The following TXNDC8 variants were observed in gnomAD, a reference collection of about 807,000 sequenced individuals.
TXNDC8 encodes the protein thioredoxin domain containing 8.
Under a neutral mutation model 12.9 loss-of-function variants are expected in TXNDC8, and 15 were observed. The observed-to-expected ratio is 1.16, with a 90% CI of 0.78 to 1.79. The LOEUF (loss-of-function observed/expected upper bound fraction) is 1.79. TXNDC8 is among the 40% of genes most tolerant of loss of function. The pLI is 0.00. For missense variants in TXNDC8, 128 were observed against 113.2 expected (o/e 1.13, Z -0.59); for synonymous variants, 40 against 35.4 (o/e 1.13, Z -0.46).
chr9:110,329,491 G>C lies in TXNDC8; in HGVS notation c.130-3251C>G, dbSNP rs1839471731. On this transcript the variant is annotated intron_variant, in intron 2 of 4. Coordinates refer to ENST00000423740, the MANE Select transcript of TXNDC8 (RefSeq NM_001286946.2). ...ATGATGCCAAGGTCAGATGATGTAAGGACCAGTGGCAGAAGCAGAGTCAAA... is the reference window on the plus strand; with the variant it reads ...ATGATGCCAAGGTCAGATGATGTAACGACCAGTGGCAGAAGCAGAGTCAAA... 2.0e-5 allele frequency among the ~76,000 whole-genome samples: 3 copies of C among 152,286 alleles called. No homozygotes were observed. In the South Asian group the frequency reaches 6.2e-4, roughly 32 times the overall value.
intron 3 of TXNDC8, among the ~76,000 whole-genome samples, chr9:110,324,521 T>C (rs1478361565): frequency 6.6e-6 from 1 of 151,786 alleles, no homozygotes; most frequent in African/African-American, 2.4e-5. Flanking sequence ...TAAATTATTC[T>C]TTATAACTTT....
chr9:110,325,511 C>G lies in TXNDC8; in HGVS notation c.195+664G>C, dbSNP rs906373470. Among the ~76,000 whole-genome samples, 4 of 133,888 alleles carry G rather than the reference C, an allele frequency of 3.0e-5. No individual in the cohort carries two copies. In the East Asian group the frequency reaches 1.0e-3, roughly 33 times the overall value. The allele number at this position is 133,888 out of a possible 152,430, so 87.8% of individuals were successfully genotyped here. Reference sequence around the variant, plus strand: ...CTCAAGTATTGTTTAAACTTGTATACACTTTTTTTTTTTTTTTTTTTTTGA... The same window carrying G: ...CTCAAGTATTGTTTAAACTTGTATAGACTTTTTTTTTTTTTTTTTTTTTGA... On this transcript the variant is annotated intron_variant, in intron 3 of 4. Coordinates refer to ENST00000423740, the MANE Select transcript of TXNDC8 (RefSeq NM_001286946.2).
intron 3 of TXNDC8, among the ~76,000 whole-genome samples, chr9:110,305,784 TTTTC>T (rs1245590955): frequency 3.2e-5 from 3 of 93,328 alleles, no homozygotes; most frequent in African/African-American, 7.8e-5. Context: ...TTTTCTTTTC[TTTTC>T]TTTCTTTTCT....
chr9:110,329,205 T>C (rs762480019), intron 2 of TXNDC8, 27 bp downstream of exon 3: 3 of 1,599,564 alleles, frequency 1.9e-6, no homozygotes, highest in South Asian at 2.2e-5. Context: ...ATTTTGAGTA[T>C]GTGCACAGAA....
intron 3 of TXNDC8, among the ~76,000 whole-genome samples, chr9:110,309,137 A>T (rs922976135): frequency 1.3e-5 from 2 of 152,088 alleles, no homozygotes; most frequent in African/African-American, 4.8e-5. Flanking sequence ...TTTCTCTGAA[A>T]ATTAATCTTG....
At chr9:110,326,951 C>CAT (rs2118839455) in intron 2 of TXNDC8, among the ~76,000 whole-genome samples, 1 of 151,612 alleles carries the variant, frequency 6.6e-6, no homozygotes, top group African/African-American at 2.4e-5. Flanking sequence ...CACACACACA[C>CAT]ACACACACAC....
intron 2 of TXNDC8, among the ~76,000 whole-genome samples, chr9:110,331,835 G>A (rs747656619): frequency 1.8e-4 from 27 of 152,252 alleles, no homozygotes; most frequent in Admixed American, 5.9e-4. Context: ...ATGCTTACTC[G>A]CTGGCCGCTC....
At chr9:110,334,024 A>G (rs989330424) in intron 2 of TXNDC8, among the ~76,000 whole-genome samples, 192 bp downstream of exon 2, 2 of 152,344 alleles carry the variant, frequency 1.3e-5, no homozygotes, top group Non-Finnish European at 2.9e-5. Context: ...GACAAGTAGT[A>G]TTAATCTTCT....
rs1564096122 is a variant in TXNDC8 at position 110,311,554 on chromosome 9, T to TGGATCC, written c.196-7023_196-7022insGGATCC. On this transcript the variant is annotated intron_variant, in intron 3 of 4. Transcript: ENST00000423740. The stretch of plus-strand genomic sequence containing the variant: ...ATATATATATATATATATATATATA[T>TGGATCC]ATATCTCCATACTATATATATATGG... Among the ~76,000 whole-genome samples the TGGATCC allele has an allele frequency of 6.1e-4, 79 of 130,462 alleles. 2 individuals carry two copies. The highest frequency in any genetic ancestry group is 2.2e-3 in the African/African-American group (74 of 34,252). The allele number at this position is 130,462 out of a possible 152,430, so 85.6% of individuals were successfully genotyped here.
At chr9:110,316,849 AG>A (rs1838901367) in intron 3 of TXNDC8, among the ~76,000 whole-genome samples, 1 of 152,202 alleles carries the variant, frequency 6.6e-6, no homozygotes, top group African/African-American at 2.4e-5. Flanking sequence ...TAGGCTTTGC[AG>A]GCCATTTGGT....
At chr9:110,326,655 G>A (rs370436500) in intron 2 of TXNDC8, among the ~76,000 whole-genome samples, 2 of 146,908 alleles carry the variant, frequency 1.4e-5, no homozygotes, top group East Asian at 1.9e-4. Context: ...TACTTGAGAC[G>A]TGGAACGCAT....
intron 3 of TXNDC8, chr9:110,323,048 C>T (rs1697746693): frequency 2.0e-6 from 2 of 985,226 alleles, no homozygotes; most frequent in Non-Finnish European, 2.4e-6. Context: ...AATGGTTTAG[C>T]CTTGATTCTA....
intron 1 of TXNDC8, among the ~76,000 whole-genome samples, chr9:110,335,948 G>A (rs1488763261): frequency 6.6e-6 from 1 of 152,200 alleles, no homozygotes; most frequent in Non-Finnish European, 1.5e-5. Flanking sequence ...CATGTCATGG[G>A]AGAGACCTAG....
chr9:110,313,195 C>T (rs1838751981), intron 3 of TXNDC8, among the ~76,000 whole-genome samples: 3 of 152,138 alleles, frequency 2.0e-5, no homozygotes, highest in Admixed American at 2.0e-4. Context: ...TGTGAGCCAC[C>T]ATGCCTGCCC....
chr9:110,312,339 G>A (rs144417840), intron 3 of TXNDC8, among the ~76,000 whole-genome samples: 3,854 of 152,270 alleles, frequency 0.025, 148 homozygotes, highest in African/African-American at 0.087. Context: ...TGGAGAAACC[G>A]GTTATTTTAC....
intron 3 of TXNDC8, among the ~76,000 whole-genome samples, chr9:110,307,624 G>T (rs1022213288): frequency 3.3e-5 from 5 of 152,154 alleles, no homozygotes; most frequent in Non-Finnish European, 7.4e-5. Context: ...AGTCAAGCTG[G>T]AACTACTTAG....
chr9:110,332,573 A>ATAGAG (rs58306075), intron 2 of TXNDC8, among the ~76,000 whole-genome samples: 73,235 of 151,838 alleles, frequency 0.48, 19,858 homozygotes, highest in African/African-American at 0.74. Context: ...TTTTAGCTGT[A>ATAGAG]TAGTCTTTAC....
chr9:110,328,584 A>G (rs1252534232), intron 2 of TXNDC8, among the ~76,000 whole-genome samples: 1 of 152,228 alleles, frequency 6.6e-6, no homozygotes, highest in Admixed American at 6.5e-5. Flanking sequence ...AGGCAGGTGG[A>G]TCACCTGAGG....
chr9:110,303,419 G>C, downstream of TXNDC8: 2 of 1,314,802 alleles, frequency 1.5e-6, no homozygotes, highest in South Asian at 1.3e-5. Context: ...CATTAGGAGA[G>C]AGACCAGTGG....
Sources: allele counts gnomAD v4.1 joint callset (sites outside exome capture counted in the v4.1 genomes callset), GRCh38; gene constraint gnomAD v4.1.1; transcripts MANE v1.5; gene names NCBI Gene and HGNC (gene_info 2026-07-23, HGNC 2026-07-21).